Variants in KLF8 observed in about 807,000 individuals in gnomAD.
KLF8 encodes KLF transcription factor 8, also known as Krueppel-like factor 8.
In KLF8, 10 loss-of-function variants were observed where a neutral mutation model predicts 18.2. That is an observed-to-expected ratio of 0.55 (90% CI 0.34 to 0.93). KLF8 has a LOEUF of 0.93. Ranked by LOEUF, KLF8 falls within the 40% of genes least tolerant of loss-of-function variation. The pLI, the probability that KLF8 is intolerant of heterozygous loss-of-function variation, is 0.02. For synonymous variants in KLF8, 109 were observed against 97.3 expected, an observed-to-expected ratio of 1.12 and a Z score of -0.71; for missense variants, 264 against 277.9, an observed-to-expected ratio of 0.95 and a Z score of 0.36.
At chrX:56,050,959 G>C in the KLF8 span, among the ~76,000 whole-genome samples, 6 of 109,344 alleles carry the variant, frequency 5.5e-5, no homozygotes, top group East Asian at 1.7e-3. Context: ...CTCCTGTATT[G>C]GGTGCATATA....
chrX:55,940,348 C>G, the KLF8 span, among the ~76,000 whole-genome samples: 1 of 111,839 alleles, frequency 8.9e-6, no homozygotes, highest in Admixed American at 9.5e-5. Context: ...TAAAAACTCT[C>G]AATAAATTAG....
chrX:55,981,942 T>C, the KLF8 span, among the ~76,000 whole-genome samples: 1 of 111,501 alleles, frequency 9.0e-6, no homozygotes, highest in African/African-American at 3.3e-5. Flanking sequence ...TTGGAATACT[T>C]GGAGGCTCTG....
At chrX:56,061,272 G>A in the KLF8 span, among the ~76,000 whole-genome samples, 1 of 111,711 alleles carries the variant, frequency 9.0e-6, no homozygotes, top group African/African-American at 3.3e-5. Context: ...GTCAATTTTA[G>A]ATCTTTCCTG....
the KLF8 span, among the ~76,000 whole-genome samples, chrX:55,910,035 G>A: frequency 9.0e-6 from 1 of 111,696 alleles, no homozygotes; most frequent in Non-Finnish European, 1.9e-5. Flanking sequence ...TATGTTTGAG[G>A]TTTTAGGGTT....
chrX:55,916,726 TTAAC>T, the KLF8 span, among the ~76,000 whole-genome samples: 1 of 111,923 alleles, frequency 8.9e-6, no homozygotes, highest in Non-Finnish European at 1.9e-5. Flanking sequence ...GTGACAGTGA[TTAAC>T]TAACTGTGTT....
At chrX:56,000,278 A>C in the KLF8 span, among the ~76,000 whole-genome samples, 2 of 110,417 alleles carry the variant, frequency 1.8e-5, no homozygotes, top group South Asian at 3.9e-4. Context: ...AACTATCTTC[A>C]TCAGGCATAT....
chrX:56,086,783 G>T, the KLF8 span, among the ~76,000 whole-genome samples: 1 of 111,266 alleles, frequency 9.0e-6, no homozygotes, highest in African/African-American at 3.3e-5. Context: ...CTAGTGGAAA[G>T]CCAAAATGTA....
At chrX:56,014,817 G>GTTTTTTTTTTTTTT in the KLF8 span, 2 of 59,370 alleles carry the variant, frequency 3.4e-5, no homozygotes, top group Non-Finnish European at 2.8e-5. Context: ...ACAAGATCAT[G>GTTTTTTTTTTTTTT]TTTTTTTTTT....
At chrX:55,930,840 A>G in the KLF8 span, among the ~76,000 whole-genome samples, 1 of 111,347 alleles carries the variant, frequency 9.0e-6, no homozygotes, top group Non-Finnish European at 1.9e-5. Flanking sequence ...TTGGCCTGAA[A>G]TTTCCTTTTT....
the KLF8 span, among the ~76,000 whole-genome samples, chrX:56,159,208 G>T: frequency 8.9e-6 from 1 of 111,962 alleles, no homozygotes; most frequent in African/African-American, 3.2e-5. Context: ...TGCGTATTTT[G>T]AACCAGTCTT....
the KLF8 span, among the ~76,000 whole-genome samples, chrX:55,921,344 G>T: frequency 3.6e-5 from 4 of 111,542 alleles, no homozygotes; most frequent in African/African-American, 1.3e-4. Flanking sequence ...AAGATAAGAT[G>T]GTTGTAGATG....
the KLF8 span, among the ~76,000 whole-genome samples, chrX:56,075,779 T>A: frequency 3.9e-4 from 44 of 112,026 alleles, no homozygotes; most frequent in African/African-American, 1.4e-3. Flanking sequence ...TTTTTCTTTC[T>A]GTGCCTGGCT....
chrX:56,194,094 T>A, the KLF8 span, among the ~76,000 whole-genome samples: 9 of 110,227 alleles, frequency 8.2e-5, no homozygotes, highest in African/African-American at 3.0e-4. Flanking sequence ...GGTGGGGAGG[T>A]GTTCCAAGAT....
At chrX:56,018,006 A>C in the KLF8 span, among the ~76,000 whole-genome samples, 56 of 112,266 alleles carry the variant, frequency 5.0e-4, no homozygotes, top group South Asian at 0.02. Context: ...GATATCCATC[A>C]TCTCAAGCAC....
chrX:56,212,017 C>A, the KLF8 span, among the ~76,000 whole-genome samples: 1 of 111,252 alleles, frequency 9.0e-6, no homozygotes, highest in Non-Finnish European at 1.9e-5. Flanking sequence ...AAGGGTACTT[C>A]ATTTAGCAAG....
At chrX:56,197,412 A>G in the KLF8 span, among the ~76,000 whole-genome samples, 1 of 112,164 alleles carries the variant, frequency 8.9e-6, no homozygotes, top group African/African-American at 3.2e-5. Context: ...GGATATCAAC[A>G]TTGATCTCAC....
the KLF8 span, among the ~76,000 whole-genome samples, chrX:56,143,512 G>A: frequency 2.7e-5 from 3 of 112,104 alleles, no homozygotes; most frequent in African/African-American, 9.7e-5. Flanking sequence ...TAGTGCCTGA[G>A]ACATAGTAGG....
chrX:56,188,377 A>G, the KLF8 span, among the ~76,000 whole-genome samples: 1 of 111,694 alleles, frequency 9.0e-6, no homozygotes, highest in Non-Finnish European at 1.9e-5. Flanking sequence ...AAGAGGATAC[A>G]AAAAAATGGT....
chrX:55,940,995 G>A, the KLF8 span, among the ~76,000 whole-genome samples: 1 of 111,649 alleles, frequency 9.0e-6, no homozygotes, highest in Non-Finnish European at 1.9e-5. Context: ...ATCTACCAAT[G>A]ACTTTCTTCA....
Sources: gnomAD v4.1 joint callset for allele counts (sites outside exome capture counted in the v4.1 genomes callset) on GRCh38, gnomAD v4.1.1 for gene constraint, MANE v1.5 for transcripts, NCBI Gene and HGNC (gene_info 2026-07-23, HGNC 2026-07-21) for gene names.